OR2A5: variants seen among roughly 807,000 people sequenced by gnomAD.
OR2A5 encodes olfactory receptor 2A5.
In OR2A5, 2 loss-of-function variants were observed where a neutral mutation model predicts 1.9. That is an observed-to-expected ratio of 1.04 (90% CI 0.43 to 3.28). The LOEUF is 3.28. Among genes scored for constraint, OR2A5 ranks in the 30% most tolerant of loss-of-function variants. OR2A5 has a pLI of 0.08. For missense variants in OR2A5, 391 were observed against 375.9 expected (o/e 1.04, Z -0.33); for synonymous variants, 160 against 154.5 (o/e 1.04, Z -0.26).
At position 144,050,419 on chromosome 7, in the gene OR2A5, A is replaced by G. The variant is rs774563954; in HGVS notation, c.18A>G (p.Thr6=). 2.6e-6 allele frequency: 4 copies of G among 1,539,202 alleles called. No individual in the cohort carries two copies. Among genetic ancestry groups the G allele is most frequent in the Non-Finnish European group, 2.6e-6 (3 of 1,148,562 alleles). ...ACAAGGGCATGACAAAAAATCAGAC[A>G]TGGGTCACAGAATTCATTCTCCTGG... MTKNQ[T]WVTEFILLGF... is the part of the protein sequence containing the mutation. The change falls in exon 2 of 2, where the codon ACA becomes ACG. Residue 6 remains threonine (T), a synonymous_variant. Transcript: ENST00000641693.
At position 144,051,654 on chromosome 7, in the gene OR2A5, C is replaced by T; in HGVS notation, c.*317C>T. ...TCCTCTTAAATTCCTCTATTATTTC[C>T]ATCTCTTTTTGCCATAAGTATATGC... On this transcript the variant is annotated 3_prime_UTR_variant, in exon 2 of 2. Transcript: ENST00000641693. 1 of 291,042 alleles carries T rather than the reference C, an allele frequency of 3.4e-6. No homozygotes were observed. 18.0% of individuals were successfully genotyped at this position (291,042 alleles called of 1,614,324 possible). A position where few individuals can be genotyped will look rare whatever the true frequency, so the allele number is the denominator to read the frequency against.
rs4407791 is a variant in OR2A5 at position 144,051,271 on chromosome 7, T to C, written c.870T>C (p.Tyr290=). 0.56 allele frequency: 902,950 copies of C among 1,613,612 alleles called. 258,576 individuals carry two copies. The highest frequency in any genetic ancestry group is 0.83 in the African/African-American group (62,309 of 74,954). Residue 290 remains tyrosine, a synonymous_variant, in exon 2 of 2, where the codon TAT becomes TAC. Transcript: ENST00000641693. ...LFNPMLNPLI[Y]SLRNAEVKGA... ...ACCCGATGCTGAACCCCTTGATCTA[T>C]AGCCTGAGGAACGCAGAGGTCAAGG...
At position 144,058,405 on chromosome 7, in the gene OR2A5, T is replaced by A. The variant is rs1234791099; in HGVS notation, c.*7068T>A. The A allele has an allele frequency of 6.6e-6, 1 of 152,246 alleles. No individual in the cohort carries two copies. The highest frequency in any genetic ancestry group is 2.4e-5 in the African/African-American group (1 of 41,456). 9.4% of individuals were successfully genotyped at this position (152,246 alleles called of 1,614,324 possible). The stretch of plus-strand genomic sequence containing the variant: ...ATTTATTGATGGACACATGTTGTAT[T>A]AGTCTGTTCTCATGCTGCTAATAAA... On this transcript the variant is annotated 3_prime_UTR_variant, in exon 2 of 2. Coordinates refer to ENST00000641693, the MANE Select transcript of OR2A5 (RefSeq NM_012365.2).
chr7:144,052,737 G>C lies in OR2A5; in HGVS notation c.*1400G>C, dbSNP rs1219549468. 6.6e-6 allele frequency: 1 copy of C among 151,904 alleles called. No individual in the cohort carries two copies. Among genetic ancestry groups the C allele is most frequent in the Non-Finnish European group, 1.5e-5 (1 of 68,014 alleles). 9.4% of individuals were successfully genotyped at this position (151,904 alleles called of 1,614,324 possible). A position where few individuals can be genotyped will look rare whatever the true frequency, so the allele number is the denominator to read the frequency against. ...TGTTTTCATATCTCCATACTGTGAG[G>C]ACATTTTTTGGCCTGCAGAAATTCA... On this transcript the variant is annotated 3_prime_UTR_variant, in exon 2 of 2. Transcript: ENST00000641693.
In OR2A5 at chr7:144,051,323, C is replaced by G. The variant is rs779972866; in HGVS notation, c.922C>G (p.Gln308Glu). The G allele has an allele frequency of 9.3e-6, 15 of 1,605,338 alleles. No individual in the cohort carries two copies. In the South Asian group the frequency reaches 1.3e-4, roughly 14 times the overall value. ...TGCCCTGAAAAGAGTGTTGTGGAAA[C>G]AGAGATCAAAGTGAGGGATGCCAGG... ...KGALKRVLWK[Q>E]RSK Residue 308 changes from glutamine (Q) to glutamate (E), a missense_variant, in exon 2 of 2, where the codon CAG becomes GAG. By Grantham distance (29) the Gln-to-Glu change is conservative. Transcript: ENST00000641693.
chr7:144,050,284 C>G lies in OR2A5; in HGVS notation c.-51-67C>G, dbSNP rs1191785875. ...AAAAACCTTGCTGACTGAGTCAGCA[C>G]CCTGTGTGCACCATAAACCCCCTCC... On this transcript the variant is annotated intron_variant, in intron 1 of 1. Transcript: ENST00000641693. 3 of 659,960 alleles carry G rather than the reference C, an allele frequency of 4.5e-6. No individual in the cohort carries two copies. The East Asian group carries it at 7.7e-5, about 17-fold the overall frequency. 40.9% of individuals were successfully genotyped at this position (659,960 alleles called of 1,614,324 possible). A position where few individuals can be genotyped will look rare whatever the true frequency, so the allele number is the denominator to read the frequency against.
chr7:144,053,489 T>C lies in OR2A5; in HGVS notation c.*2152T>C, dbSNP rs2050919094. On this transcript the variant is annotated 3_prime_UTR_variant, in exon 2 of 2. Transcript: ENST00000641693. Reference sequence around the variant, plus strand: ...CAAATGTTACCCCGTTTATCTTGCATAAACATCACAATGGAGTCGCTATTA... The same window carrying C: ...CAAATGTTACCCCGTTTATCTTGCACAAACATCACAATGGAGTCGCTATTA... 1 of 152,198 alleles carries C rather than the reference T, an allele frequency of 6.6e-6. No individual in the cohort carries two copies. The highest frequency in any genetic ancestry group is 1.5e-5 in the Non-Finnish European group (1 of 68,034). The allele number at this position is 152,198 out of a possible 1,614,324, so 9.4% of individuals were successfully genotyped here.
rs200434282 is a variant in OR2A5, at chr7:144,051,175, G to A, written c.774G>A (p.Met258Ile). The change falls in exon 2 of 2, where the codon ATG becomes ATA. Residue 258 changes from methionine (M) to isoleucine (I), a missense_variant. Physicochemically the swap from Met to Ile is conservative, Grantham distance 10. Transcript: ENST00000641693. The stretch of plus-strand genomic sequence containing the variant: ...TCTTCTTTGGCAGCGCCATTGTCAT[G>A]TACATGGCCCCCAAGTCCCGCCACC... ...VGLFFGSAIVMYMAPKSRHPE... is the reference protein window; with the variant it reads ...VGLFFGSAIVIYMAPKSRHPE... 2.4e-5 allele frequency: 39 copies of A among 1,614,082 alleles called. No individual in the cohort carries two copies. The highest frequency in any genetic ancestry group is 2.7e-5 in the Non-Finnish European group (32 of 1,180,040).
chr7:144,050,620 T>A lies in OR2A5; in HGVS notation c.219T>A (p.Ala73=). 6.2e-7 allele frequency: 1 copy of A among 1,613,216 alleles called. No individual in the cohort carries two copies. Among genetic ancestry groups the A allele is most frequent in the Non-Finnish European group, 8.5e-7 (1 of 1,179,560 alleles). ...SHLAIIDISY[A]SNNVPKMLTN... is the part of the protein sequence containing the mutation. ...TGGCCATCATTGATATTTCGTATGC[T>A]TCCAACAATGTCCCCAAGATGCTGA... is the stretch of plus-strand genomic sequence containing the variant. The change falls in exon 2 of 2, where the codon GCT becomes GCA. Residue 73 remains alanine (A), a synonymous_variant. Transcript: ENST00000641693.
At position 144,055,870 on chromosome 7, in the gene OR2A5, C is replaced by G. The variant is rs1043304283; in HGVS notation, c.*4533C>G. 3 of 152,456 alleles carry G rather than the reference C, an allele frequency of 2.0e-5. No homozygotes were observed. Among genetic ancestry groups the G allele is most frequent in the African/African-American group, 7.2e-5 (3 of 41,414 alleles). The allele number at this position is 152,456 out of a possible 1,614,324, so 9.4% of individuals were successfully genotyped here. ...TATGACCATGCTACTGCATTCCAGCCTGGGCAACAGAGTGGGACCCCATCT... is the reference window on the plus strand; with the variant it reads ...TATGACCATGCTACTGCATTCCAGCGTGGGCAACAGAGTGGGACCCCATCT... On this transcript the variant is annotated 3_prime_UTR_variant, in exon 2 of 2. Coordinates refer to ENST00000641693, the MANE Select transcript of OR2A5 (RefSeq NM_012365.2).
At position 144,051,570 on chromosome 7, in the gene OR2A5, G is replaced by A; in HGVS notation, c.*233G>A. The A allele has an allele frequency of 2.1e-6, 1 of 470,860 alleles. No individual in the cohort carries two copies. Among genetic ancestry groups the A allele is most frequent in the Non-Finnish European group, 3.7e-6 (1 of 267,648 alleles). The allele number at this position is 470,860 out of a possible 1,614,324, so 29.2% of individuals were successfully genotyped here. ...AAAGTGCCATGAACTCCTACTCCCA[G>A]GTCCCACCCCTACCCAGGATCTGCT... On this transcript the variant is annotated 3_prime_UTR_variant, in exon 2 of 2. Coordinates refer to ENST00000641693, the MANE Select transcript of OR2A5 (RefSeq NM_012365.2).
Position 144,050,453 on chromosome 7 carries a change from C to T in OR2A5, c.52C>T (p.Leu18Phe), listed in dbSNP as rs766896510. The T allele has an allele frequency of 6.4e-7, 1 of 1,552,312 alleles. No individual in the cohort carries two copies. The highest frequency in any genetic ancestry group is 8.7e-7 in the Non-Finnish European group (1 of 1,155,608). ...VTEFILLGFPLSLRIQMLLSG... is the reference protein window; with the variant it reads ...VTEFILLGFPFSLRIQMLLSG... ...AGAATTCATTCTCCTGGGATTTCCA[C>T]TCAGCCTAAGGATTCAGATGCTCCT... The change falls in exon 2 of 2, where the codon CTC becomes TTC. Residue 18 changes from leucine to phenylalanine, a missense_variant. Transcript: ENST00000641693.
Position 144,051,584 on chromosome 7 carries a change from C to G in OR2A5, c.*247C>G. On this transcript the variant is annotated 3_prime_UTR_variant, in exon 2 of 2. Coordinates refer to ENST00000641693, the MANE Select transcript of OR2A5 (RefSeq NM_012365.2). ...TCCTACTCCCAGGTCCCACCCCTAC[C>G]CAGGATCTGCTTTCTGTTCTTTTGA... is the stretch of plus-strand genomic sequence containing the variant. The G allele has an allele frequency of 2.3e-6, 1 of 438,554 alleles. No homozygotes were observed. The highest frequency in any genetic ancestry group is 4.0e-5 in the Admixed American group (1 of 25,208). The allele number at this position is 438,554 out of a possible 1,614,324, so 27.2% of individuals were successfully genotyped here. A position where few individuals can be genotyped will look rare whatever the true frequency, so the allele number is the denominator to read the frequency against.
In OR2A5 at chr7:144,053,696, A is replaced by C. The variant is rs2050920288; in HGVS notation, c.*2359A>C. 6.6e-6 allele frequency: 1 copy of C among 152,234 alleles called. No individual in the cohort carries two copies. The highest frequency in any genetic ancestry group is 2.4e-5 in the African/African-American group (1 of 41,460). The allele number at this position is 152,234 out of a possible 1,614,324, so 9.4% of individuals were successfully genotyped here. On this transcript the variant is annotated 3_prime_UTR_variant, in exon 2 of 2. Coordinates refer to ENST00000641693, the MANE Select transcript of OR2A5 (RefSeq NM_012365.2). ...TAGCTCAACAGGGGTTAGACTCAACATCCACATGATGGGGCAGAGTCTGGA... is the reference window on the plus strand; with the variant it reads ...TAGCTCAACAGGGGTTAGACTCAACCTCCACATGATGGGGCAGAGTCTGGA...
Position 144,056,664 on chromosome 7 carries a change from A to G in OR2A5, c.*5327A>G, listed in dbSNP as rs1262350998. On this transcript the variant is annotated 3_prime_UTR_variant, in exon 2 of 2. Coordinates refer to ENST00000641693, the MANE Select transcript of OR2A5 (RefSeq NM_012365.2). ...TATTTATGTTTATGTTTAAATGCAT[A>G]AAAGATTTCTTAAAGATATGCTAAC... The G allele has an allele frequency of 2.0e-5, 3 of 152,242 alleles. No individual in the cohort carries two copies. The highest frequency in any genetic ancestry group is 1.3e-4 in the Admixed American group (2 of 15,290). The allele number at this position is 152,242 out of a possible 1,614,324, so 9.4% of individuals were successfully genotyped here. A position where few individuals can be genotyped will look rare whatever the true frequency, so the allele number is the denominator to read the frequency against.
At position 144,050,501 on chromosome 7, in the gene OR2A5, T is replaced by C. The variant is rs1162970294; in HGVS notation, c.100T>C (p.Tyr34His). The C allele has an allele frequency of 3.1e-6, 5 of 1,604,356 alleles. No individual in the cohort carries two copies. Among genetic ancestry groups the C allele is most frequent in the Non-Finnish European group, 4.3e-6 (5 of 1,175,296 alleles). ...CCTCTCTGGGCTTTTCTCCCTGTTA[T>C]ACGTCTTCACCCTGCTGGGAAATGG... ...MLLSGLFSLL[Y>H]VFTLLGNGAI... Residue 34 changes from tyrosine (Y) to histidine (H), a missense_variant, in exon 2 of 2, where the codon TAC (tyrosine) becomes CAC (histidine). Physicochemically the swap from Tyr to His is moderately conservative, Grantham distance 83. Transcript: ENST00000641693.
In OR2A5 at chr7:144,052,139, G is replaced by A. The variant is rs2128797431; in HGVS notation, c.*802G>A. 6.6e-6 allele frequency: 1 copy of A among 152,278 alleles called. No individual in the cohort carries two copies. The highest frequency in any genetic ancestry group is 2.1e-4 in the South Asian group (1 of 4,828). The allele number at this position is 152,278 out of a possible 1,614,324, so 9.4% of individuals were successfully genotyped here. ...TGTAGTAGTAAGAAAATACTGCAAA[G>A]GAAGAAAGCATCAAGGGAAACTGAC... On this transcript the variant is annotated 3_prime_UTR_variant, in exon 2 of 2. Coordinates refer to ENST00000641693, the MANE Select transcript of OR2A5 (RefSeq NM_012365.2).
rs1305124088 is a variant in OR2A5, at chr7:144,057,515, G to A, written c.*6178G>A. On this transcript the variant is annotated 3_prime_UTR_variant, in exon 2 of 2. Coordinates refer to ENST00000641693, the MANE Select transcript of OR2A5 (RefSeq NM_012365.2). ...AAAACCTTCAGAGAATAAAAGAATA[G>A]CTACAAAAGAATAACAAATAATAGT... is the stretch of plus-strand genomic sequence containing the variant. 1 of 152,050 alleles carries A rather than the reference G, an allele frequency of 6.6e-6. No individual in the cohort carries two copies. Among genetic ancestry groups the A allele is most frequent in the Admixed American group, 6.6e-5 (1 of 15,266 alleles). The allele number at this position is 152,050 out of a possible 1,614,324, so 9.4% of individuals were successfully genotyped here.
Position 144,050,725 on chromosome 7 carries a change from T to G in OR2A5, c.324T>G (p.Ala108=). The G allele has an allele frequency of 6.2e-7, 1 of 1,613,934 alleles. No homozygotes were observed. The highest frequency in any genetic ancestry group is 8.5e-7 in the Non-Finnish European group (1 of 1,180,042). Residue 108 remains alanine (A), a synonymous_variant, in exon 2 of 2, where the codon GCT becomes GCG. Coordinates refer to ENST00000641693, the MANE Select transcript of OR2A5 (RefSeq NM_012365.2). ...AGACCTTTTTATACATGGCTTTTGCTCACACTGAGTGTCTCATCTTGGTAA... is the reference window on the plus strand; with the variant it reads ...AGACCTTTTTATACATGGCTTTTGCGCACACTGAGTGTCTCATCTTGGTAA... ...TMQTFLYMAF[A]HTECLILVMM... is the part of the protein sequence containing the mutation.
Sources: allele counts gnomAD v4.1 joint callset, GRCh38; gene constraint gnomAD v4.1.1; transcripts MANE v1.5; gene names NCBI Gene and HGNC (gene_info 2026-07-23, HGNC 2026-07-21).